Variants in HDAC4 observed in about 807,000 individuals in gnomAD.
HDAC4 encodes histone deacetylase A.
HDAC4 carries 16 observed loss-of-function variants against 135.1 expected under a neutral mutation model. The observed-to-expected ratio is 0.12, with a 90% CI of 0.08 to 0.18. HDAC4 has a LOEUF of 0.18. HDAC4 is among the 10% of genes least tolerant of loss of function. HDAC4 has a pLI of 1.00. For synonymous variants in HDAC4, 685 were observed against 653.4 expected, an observed-to-expected ratio of 1.05 and a Z score of -0.74; for missense variants, 1,143 against 1,511.8, an observed-to-expected ratio of 0.76 and a Z score of 4.05.
chr2:239,176,273 T>C (rs1575298113), intron 5 of HDAC4, 140 bp downstream of exon 5: 4 of 1,505,328 alleles, frequency 2.7e-6, no homozygotes, highest in Admixed American at 1.8e-5. Flanking sequence ...CTGCCCGGCC[T>C]CCCTCCCTCT....
intron 19 of HDAC4, among the ~76,000 whole-genome samples, chr2:239,084,798 C>T (rs948657461): frequency 4.7e-5 from 7 of 149,428 alleles, no homozygotes; most frequent in Non-Finnish European, 8.9e-5. Flanking sequence ...ACACCCCACA[C>T]ACACCCCACA....
At position 239,394,738 on chromosome 2, in the gene HDAC4, C is replaced by G. The variant is rs571444634; in HGVS notation, c.-220+6240G>C. 5.4e-4 allele frequency among the ~76,000 whole-genome samples: 83 copies of G among 152,376 alleles called. 1 individual carries two copies. Among genetic ancestry groups the G allele is most frequent in the African/African-American group, 1.9e-3 (80 of 41,586 alleles). On this transcript the variant is annotated intron_variant, in intron 1 of 26. Coordinates refer to ENST00000543185, the MANE Select transcript of HDAC4 (RefSeq NM_001378414.1). ...GGGCCAGGCCAGAGGTGGGGCCTCA[C>G]CCCAGCTCTCCCACCCAAGGCCCGC...
intron 2 of HDAC4, among the ~76,000 whole-genome samples, chr2:239,264,670 G>C (rs1039358290): frequency 6.6e-6 from 1 of 152,190 alleles, no homozygotes; most frequent in Non-Finnish European, 1.5e-5. Context: ...TCGAAGAATA[G>C]ATCAGCCTTC....
intron 3 of HDAC4, among the ~76,000 whole-genome samples, chr2:239,230,874 C>T (rs1013460181): frequency 6.6e-6 from 1 of 152,134 alleles, no homozygotes; most frequent in African/African-American, 2.4e-5. Context: ...CCAAACGAAA[C>T]AATGCAACAA....
intron 3 of HDAC4, among the ~76,000 whole-genome samples, chr2:239,226,405 G>A (rs1259151128): frequency 2.0e-5 from 3 of 152,076 alleles, no homozygotes; most frequent in Admixed American, 1.3e-4. Flanking sequence ...GCACTGCTGG[G>A]ACTGCCACAT....
At chr2:239,344,083 A>G (rs879560340) in intron 2 of HDAC4, among the ~76,000 whole-genome samples, 1 of 152,202 alleles carries the variant, frequency 6.6e-6, no homozygotes, top group African/African-American at 2.4e-5. Flanking sequence ...CCTATGGTCA[A>G]GTAGAGCCAG....
intron 26 of HDAC4, 69 bp from the exon 27 acceptor site, chr2:239,053,205 C>T (rs956277499): frequency 6.4e-5 from 102 of 1,592,296 alleles, no homozygotes; most frequent in Non-Finnish European, 6.9e-5. Flanking sequence ...GAGAACAGAA[C>T]GTGGGTTAAA....
intron 3 of HDAC4, among the ~76,000 whole-genome samples, chr2:239,231,160 C>A (rs1198383120): frequency 6.6e-6 from 1 of 152,118 alleles, no homozygotes; most frequent in Admixed American, 6.5e-5. Context: ...TTAAAAAGAG[C>A]CTCCCTAACT....
At chr2:239,370,865 C>T (rs903982777) in intron 1 of HDAC4, among the ~76,000 whole-genome samples, 1 of 152,250 alleles carries the variant, frequency 6.6e-6, no homozygotes, top group Non-Finnish European at 1.5e-5. Flanking sequence ...GAATTACAGA[C>T]AGCTAAATGA....
At chr2:239,301,467 C>CTTTTTTT (rs368766670) in intron 2 of HDAC4, among the ~76,000 whole-genome samples, 2 of 130,258 alleles carry the variant, frequency 1.5e-5, no homozygotes, top group Non-Finnish European at 3.4e-5. Context: ...CTGGTGCTTT[C>CTTTTTTT]TTTCTTTTTT....
intron 23 of HDAC4, 73 bp from the exon 24 acceptor site, chr2:239,066,928 C>G: frequency 6.4e-7 from 1 of 1,556,310 alleles, no homozygotes; most frequent in Non-Finnish European, 8.7e-7. Context: ...AAACGCGTCT[C>G]ATGGCATCGT....
intron 12 of HDAC4, among the ~76,000 whole-genome samples, chr2:239,125,774 T>C (rs958665090): frequency 7.9e-5 from 12 of 152,280 alleles, no homozygotes; most frequent in African/African-American, 2.7e-4. Flanking sequence ...CCTTGCCTAC[T>C]ACCTCCTCCT....
chr2:239,306,002 G>A lies in HDAC4; in HGVS notation c.22+46676C>T, dbSNP rs2052561218. On this transcript the variant is annotated intron_variant, in intron 2 of 26. Transcript: ENST00000543185. This position sits in a 1 kb window ranked among gnomAD's most constrained non-coding sequence, Gnocchi z 4.5. ...AGCACCCTGGGCAAGCACAGTGTCTGCGTCTCCCCCACGCTGAAATGATTC... is the reference window on the plus strand; with the variant it reads ...AGCACCCTGGGCAAGCACAGTGTCTACGTCTCCCCCACGCTGAAATGATTC... 6.6e-6 allele frequency among the ~76,000 whole-genome samples: 1 copy of A among 152,192 alleles called. No homozygotes were observed. Among genetic ancestry groups the A allele is most frequent in the South Asian group, 2.1e-4 (1 of 4,824 alleles).
intron 6 of HDAC4, 41 bp downstream of exon 6, chr2:239,163,762 C>A: frequency 6.2e-7 from 1 of 1,603,836 alleles, no homozygotes; most frequent in Non-Finnish European, 8.5e-7. Flanking sequence ...CCTCTGGGCC[C>A]CCAGAGAGGA....
At chr2:239,261,470 G>A (rs772471002) in intron 2 of HDAC4, among the ~76,000 whole-genome samples, 1 of 152,134 alleles carries the variant, frequency 6.6e-6, no homozygotes. Flanking sequence ...GGCAGGCCCT[G>A]GGGACCCTGT....
chr2:239,133,188 G>A lies in HDAC4; in HGVS notation c.1294+1057C>T, dbSNP rs771837577. ...TCTCTGTCTAAACAGAGACACATGG[G>A]CAGCACAAAACAAGAAAACACCAAA... On this transcript the variant is annotated intron_variant, in intron 11 of 26. Coordinates refer to ENST00000543185, the MANE Select transcript of HDAC4 (RefSeq NM_001378414.1). 5.9e-5 allele frequency among the ~76,000 whole-genome samples: 9 copies of A among 152,278 alleles called. No individual in the cohort carries two copies. In the East Asian group the frequency reaches 1.5e-3, roughly 26 times the overall value.
chr2:239,094,729 T>C, intron 17 of HDAC4: 2 of 1,292,552 alleles, frequency 1.5e-6, no homozygotes, highest in South Asian at 3.1e-5. Flanking sequence ...GGGGATGAGA[T>C]GCTGGCTGCA....
chr2:239,286,423 A>C (rs1003582923), intron 2 of HDAC4, among the ~76,000 whole-genome samples: 4 of 152,250 alleles, frequency 2.6e-5, no homozygotes, highest in Non-Finnish European at 5.9e-5. Flanking sequence ...AGGAGAGCCC[A>C]AATCCTGTAT....
chr2:239,260,719 C>T (rs1485723026), intron 2 of HDAC4, among the ~76,000 whole-genome samples: 1 of 152,248 alleles, frequency 6.6e-6, no homozygotes, highest in Non-Finnish European at 1.5e-5. Flanking sequence ...GGTCCCCCTG[C>T]TGCAGTGTTC....
Sources: gnomAD v4.1 joint callset for allele counts (sites outside exome capture counted in the v4.1 genomes callset) on GRCh38, gnomAD v4.1.1 for gene constraint, Gnocchi (gnomAD v3.1) non-coding constraint, MANE v1.5 for transcripts, NCBI Gene and HGNC (gene_info 2026-07-23, HGNC 2026-07-21) for gene names.